Variants in MACROD2 observed in about 807,000 individuals in gnomAD.
MACROD2 encodes the protein mono-ADP ribosylhydrolase 2, also known as ADP-ribose glycohydrolase MACROD2.
In MACROD2, 36 loss-of-function variants were observed where a neutral mutation model predicts 70.4. The observed-to-expected ratio is 0.51, with a 90% CI of 0.39 to 0.68. MACROD2 has a LOEUF of 0.68. Among genes scored for constraint, MACROD2 ranks in the 30% least tolerant of loss-of-function variants. The pLI is 0.00. For synonymous variants in MACROD2, 172 were observed against 178.8 expected (o/e 0.96, Z 0.30); for missense variants, 496 against 538.4 (o/e 0.92, Z 0.78).
intron 5 of MACROD2, among the ~76,000 whole-genome samples, chr20:15,118,349 C>T (rs1288563288): frequency 6.6e-6 from 1 of 152,000 alleles, no homozygotes; most frequent in Admixed American, 6.6e-5. Context: ...TGCGCCACCA[C>T]ACCCAGCTAA....
intron 3 of MACROD2, among the ~76,000 whole-genome samples, chr20:14,439,159 A>C (rs1025591050): frequency 6.6e-6 from 1 of 151,866 alleles, no homozygotes; most frequent in African/African-American, 2.4e-5. Flanking sequence ...TGAGGAGACT[A>C]TTTTTTCCTC....
intron 5 of MACROD2, among the ~76,000 whole-genome samples, chr20:14,753,471 CTT>C (rs1205129343): frequency 1.3e-5 from 2 of 151,972 alleles, no homozygotes; most frequent in Admixed American, 6.6e-5. Flanking sequence ...TAAAGGGAAA[CTT>C]TGAATTTTTA....
At chr20:14,474,465 C>T (rs1482961036) in intron 3 of MACROD2, among the ~76,000 whole-genome samples, 1 of 152,118 alleles carries the variant, frequency 6.6e-6, no homozygotes, top group African/African-American at 2.4e-5. Flanking sequence ...TGGAATGTTC[C>T]ATAAATGTCC....
At chr20:14,291,882 C>A (rs557416206) in intron 3 of MACROD2, among the ~76,000 whole-genome samples, 1 of 151,834 alleles carries the variant, frequency 6.6e-6, no homozygotes, top group Admixed American at 6.6e-5. Flanking sequence ...GAAATAGACC[C>A]TAAAATGGCA....
At chr20:15,705,890 TTTC>T (rs2050525184) in intron 8 of MACROD2, among the ~76,000 whole-genome samples, 1 of 152,216 alleles carries the variant, frequency 6.6e-6, no homozygotes, top group Non-Finnish European at 1.5e-5. Context: ...ATGAATATGG[TTTC>T]TTAATTATCC....
At chr20:15,830,021 A>G (rs1426483188) in intron 8 of MACROD2, among the ~76,000 whole-genome samples, 4 of 152,166 alleles carry the variant, frequency 2.6e-5, no homozygotes, top group Admixed American at 2.6e-4. Context: ...GCAGGTGTGT[A>G]TGAACAGAAC....
intron 4 of MACROD2, among the ~76,000 whole-genome samples, chr20:14,567,522 C>G (rs973040429): frequency 6.6e-6 from 1 of 152,036 alleles, no homozygotes; most frequent in African/African-American, 2.4e-5. Context: ...CACTCTTCAG[C>G]CAGAACATGC....
chr20:15,293,528 C>T (rs2077559718), intron 6 of MACROD2, among the ~76,000 whole-genome samples: 1 of 152,186 alleles, frequency 6.6e-6, no homozygotes, highest in Non-Finnish European at 1.5e-5. Flanking sequence ...CATGTTGAAG[C>T]TTGCTAGGTC....
At chr20:14,573,575 A>AT (rs146241069) in intron 4 of MACROD2, among the ~76,000 whole-genome samples, 15,638 of 104,354 alleles carry the variant, frequency 0.15, 1,152 homozygotes, top group East Asian at 0.47. Context: ...GAGAAAAGAT[A>AT]TTATTTTTTT....
At chr20:15,832,773 T>C (rs571499389) in intron 8 of MACROD2, among the ~76,000 whole-genome samples, 13 of 152,206 alleles carry the variant, frequency 8.5e-5, no homozygotes, top group South Asian at 4.2e-4. Flanking sequence ...TCTCTGAGAG[T>C]GCAGCCTGGA....
At chr20:14,621,836 A>T (rs567665309) in intron 4 of MACROD2, 1 of 152,334 alleles carries the variant, frequency 6.6e-6, no homozygotes, top group South Asian at 2.1e-4. Context: ...AGTATACACC[A>T]TGTTTATACG....
chr20:15,416,568 T>C (rs536803492), intron 6 of MACROD2, among the ~76,000 whole-genome samples: 1 of 152,308 alleles, frequency 6.6e-6, no homozygotes, highest in Non-Finnish European at 1.5e-5. Flanking sequence ...CTTTCATAAA[T>C]ATGATATGGA....
At chr20:14,154,855 A>C (rs1385836393) in intron 3 of MACROD2, among the ~76,000 whole-genome samples, 3 of 152,114 alleles carry the variant, frequency 2.0e-5, no homozygotes, top group Non-Finnish European at 4.4e-5. Context: ...GATCTTTGGA[A>C]ACACTGTGTG....
chr20:14,870,426 T>C (rs1463910004), intron 5 of MACROD2, among the ~76,000 whole-genome samples: 1 of 152,156 alleles, frequency 6.6e-6, no homozygotes, highest in Admixed American at 6.5e-5. Context: ...GTCTTTATGA[T>C]AGAATGATTT....
At chr20:14,000,295 AAT>A (rs2052715776) in intron 1 of MACROD2, among the ~76,000 whole-genome samples, 1 of 152,138 alleles carries the variant, frequency 6.6e-6, no homozygotes, top group South Asian at 2.1e-4. Context: ...AATTTTTGTG[AAT>A]ATGTCACCTC....
At chr20:15,229,181 AT>A (rs1321789550) in intron 5 of MACROD2, among the ~76,000 whole-genome samples, 1 of 152,158 alleles carries the variant, frequency 6.6e-6, no homozygotes, top group African/African-American at 2.4e-5. Context: ...GTGTGTAGAG[AT>A]TAAAAGAATA....
intron 3 of MACROD2, among the ~76,000 whole-genome samples, chr20:14,298,957 T>C (rs971145265): frequency 6.6e-6 from 1 of 152,210 alleles, no homozygotes; most frequent in South Asian, 2.1e-4. Flanking sequence ...TTTCTTGAGA[T>C]AGAATCTACT....
At chr20:14,277,844 C>A (rs1601428114) in intron 3 of MACROD2, among the ~76,000 whole-genome samples, 1 of 152,126 alleles carries the variant, frequency 6.6e-6, no homozygotes, top group African/African-American at 2.4e-5. Context: ...CTCTGTAATT[C>A]TTCCATATGG....
intron 6 of MACROD2, among the ~76,000 whole-genome samples, chr20:15,359,216 C>T (rs1361040381): frequency 1.3e-5 from 2 of 152,062 alleles, no homozygotes; most frequent in Non-Finnish European, 1.5e-5. Context: ...CTTCCATAGT[C>T]GTTTCTTTAT....
Sources: allele counts gnomAD v4.1 joint callset (sites outside exome capture counted in the v4.1 genomes callset), GRCh38; gene constraint gnomAD v4.1.1; transcripts MANE v1.5; gene names NCBI Gene and HGNC (gene_info 2026-07-23, HGNC 2026-07-21).